Variants in NKAIN2 observed in about 807,000 individuals in gnomAD.
The protein encoded by NKAIN2 is sodium/potassium transporting ATPase interacting 2.
Under a neutral mutation model 32.6 loss-of-function variants are expected in NKAIN2, and 14 were observed. The observed-to-expected ratio is 0.43, with a 90% CI of 0.28 to 0.67. NKAIN2 has a LOEUF of 0.67. Ranked by LOEUF, NKAIN2 falls within the 30% of genes least tolerant of loss-of-function variation. The probability of loss-of-function intolerance (pLI) is 0.17; values close to 1 mark genes in which losing one functional copy is unlikely to be tolerated. For synonymous variants in NKAIN2, 80 were observed against 87.2 expected (o/e 0.92, Z 0.46); for missense variants, 198 against 258.3 (o/e 0.77, Z 1.60).
intron 3 of NKAIN2, among the ~76,000 whole-genome samples, chr6:124,569,496 G>A (rs1781045376): frequency 1.3e-5 from 2 of 152,160 alleles, no homozygotes; most frequent in Admixed American, 1.3e-4. Context: ...ATTCCCAGTT[G>A]TGGGAGGGAC....
intron 3 of NKAIN2, among the ~76,000 whole-genome samples, chr6:124,608,913 G>A (rs1196205158): frequency 1.3e-5 from 2 of 152,152 alleles, no homozygotes; most frequent in African/African-American, 2.4e-5. Flanking sequence ...AATGACATTC[G>A]AGGTAGGCAA....
At position 124,279,816 on chromosome 6, in the gene NKAIN2, A is replaced by T. The variant is rs11754583; in HGVS notation, c.55-3189A>T. 6.6e-5 allele frequency among the ~76,000 whole-genome samples: 10 copies of T among 152,130 alleles called. No homozygotes were observed. In the South Asian group the frequency reaches 8.3e-4, roughly 13 times the overall value. ...CAATCTAATCCATCACATTCATTGT[A>T]TAAAAGAAAAAAAATAATGTGATTA... On this transcript the variant is annotated intron_variant, in intron 1 of 6. Transcript: ENST00000368417.
At chr6:124,420,197 G>A (rs765539904) in intron 3 of NKAIN2, among the ~76,000 whole-genome samples, 18 of 152,038 alleles carry the variant, frequency 1.2e-4, no homozygotes, top group Admixed American at 2.6e-4. Context: ...TTTTCTGTGG[G>A]CATTAATGCA....
chr6:124,805,158 T>C (rs1780474135), intron 5 of NKAIN2, among the ~76,000 whole-genome samples: 1 of 152,186 alleles, frequency 6.6e-6, no homozygotes, highest in South Asian at 2.1e-4. Context: ...AGCACGCAGC[T>C]GGAGATCTGA....
chr6:124,782,535 G>T (rs1779317657), intron 4 of NKAIN2, among the ~76,000 whole-genome samples: 1 of 151,954 alleles, frequency 6.6e-6, no homozygotes, highest in African/African-American at 2.4e-5. Flanking sequence ...GTCATCACTG[G>T]GGCAGCATAC....
At chr6:124,146,583 T>C (rs751793765) in intron 1 of NKAIN2, among the ~76,000 whole-genome samples, 5 of 152,172 alleles carry the variant, frequency 3.3e-5, no homozygotes, top group Non-Finnish European at 7.3e-5. Context: ...ACACAAATGT[T>C]TGTAGAACAT....
chr6:124,687,262 TTC>T (rs1246076047), intron 4 of NKAIN2, among the ~76,000 whole-genome samples: 1 of 141,250 alleles, frequency 7.1e-6, no homozygotes, highest in African/African-American at 2.7e-5. Context: ...CCTATATATA[TTC>T]TCTCTATATA....
At chr6:124,296,380 A>C (rs375339532) in intron 2 of NKAIN2, among the ~76,000 whole-genome samples, 1 of 152,268 alleles carries the variant, frequency 6.6e-6, no homozygotes, top group South Asian at 2.1e-4. Context: ...AGTTATGGAA[A>C]TTATTTTACA....
intron 1 of NKAIN2, among the ~76,000 whole-genome samples, chr6:124,255,346 T>C (rs1793877573): frequency 6.6e-6 from 1 of 152,238 alleles, no homozygotes. Flanking sequence ...GAATCTTTCA[T>C]ATTCTGCTAA....
At chr6:124,132,613 C>T (rs1786534170) in intron 1 of NKAIN2, among the ~76,000 whole-genome samples, 1 of 152,210 alleles carries the variant, frequency 6.6e-6, no homozygotes, top group Non-Finnish European at 1.5e-5. Flanking sequence ...CTGAGTCTGT[C>T]CATGTGAAAA....
At position 124,255,887 on chromosome 6, in the gene NKAIN2, T is replaced by G. The variant is rs187116896; in HGVS notation, c.55-27118T>G. Among the ~76,000 whole-genome samples, 826 of 152,342 alleles carry G rather than the reference T, an allele frequency of 5.4e-3. 8 individuals are homozygous for G. The highest frequency in any genetic ancestry group is 7.3e-3 in the Non-Finnish European group (497 of 68,032). Reference sequence around the variant, plus strand: ...TTATCTACCCAAGTCACAGACATTCTGTGGCGCTGGTGTCTTTGGGGCATC... The same window carrying G: ...TTATCTACCCAAGTCACAGACATTCGGTGGCGCTGGTGTCTTTGGGGCATC... On this transcript the variant is annotated intron_variant, in intron 1 of 6. Coordinates refer to ENST00000368417, the MANE Select transcript of NKAIN2 (RefSeq NM_001040214.3).
At chr6:124,334,543 C>T (rs1303331839) in intron 2 of NKAIN2, among the ~76,000 whole-genome samples, 4 of 41,720 alleles carry the variant, frequency 9.6e-5, no homozygotes, top group African/African-American at 3.0e-4. Flanking sequence ...CTGAGTCAGT[C>T]GGTTCCTGGT....
chr6:124,308,370 G>A (rs1480361853), intron 2 of NKAIN2, among the ~76,000 whole-genome samples: 2 of 152,202 alleles, frequency 1.3e-5, no homozygotes, highest in Non-Finnish European at 2.9e-5. Flanking sequence ...CAAACTCCAC[G>A]ACTATTAGTT....
At chr6:124,629,470 A>C (rs972098148) in intron 3 of NKAIN2, among the ~76,000 whole-genome samples, 3 of 152,132 alleles carry the variant, frequency 2.0e-5, no homozygotes, top group Non-Finnish European at 2.9e-5. Context: ...GCCCCCAAAA[A>C]ACTAGTATAT....
chr6:123,958,741 A>G (rs1777710337), intron 1 of NKAIN2, among the ~76,000 whole-genome samples: 2 of 152,198 alleles, frequency 1.3e-5, no homozygotes, highest in African/African-American at 4.8e-5. Flanking sequence ...TTGATGTAAG[A>G]TTCTTGAAAG....
intron 1 of NKAIN2, among the ~76,000 whole-genome samples, chr6:123,989,013 T>C (rs1000010713): frequency 6.6e-6 from 1 of 152,036 alleles, no homozygotes; most frequent in Non-Finnish European, 1.5e-5. Flanking sequence ...GTTATACTTA[T>C]TACTATACTT....
At chr6:124,188,924 G>A (rs1392852528) in intron 1 of NKAIN2, among the ~76,000 whole-genome samples, 1 of 152,098 alleles carries the variant, frequency 6.6e-6, no homozygotes, top group Non-Finnish European at 1.5e-5. Flanking sequence ...AGCTTGATTA[G>A]GGGAAACATA....
intron 1 of NKAIN2, among the ~76,000 whole-genome samples, chr6:124,023,784 T>A (rs1294139815): frequency 1.3e-5 from 2 of 152,184 alleles, no homozygotes; most frequent in Non-Finnish European, 2.9e-5. Context: ...CATATTACAT[T>A]TTTGTAATTG....
intron 4 of NKAIN2, among the ~76,000 whole-genome samples, chr6:124,769,506 C>A (rs988911327): frequency 6.6e-6 from 1 of 152,046 alleles, no homozygotes; most frequent in Non-Finnish European, 1.5e-5. Flanking sequence ...ACTGGGATTT[C>A]TTTTATTCAT....
Sources: gnomAD v4.1 joint callset for allele counts (sites outside exome capture counted in the v4.1 genomes callset) on GRCh38, gnomAD v4.1.1 for gene constraint, MANE v1.5 for transcripts, NCBI Gene and HGNC (gene_info 2026-07-23, HGNC 2026-07-21) for gene names.